PARP2: variants seen among roughly 807,000 people sequenced by gnomAD.
The protein encoded by PARP2 is poly [ADP-ribose] polymerase 2.
Under a neutral mutation model 77.8 loss-of-function variants are expected in PARP2, and 57 were observed. The observed-to-expected ratio is 0.73, with a 90% CI of 0.59 to 0.91. The LOEUF (loss-of-function observed/expected upper bound fraction) is 0.91, where lower values mean the gene tolerates loss of function less well. Ranked by LOEUF, PARP2 falls within the 40% of genes least tolerant of loss-of-function variation. The pLI, the probability that PARP2 is intolerant of heterozygous loss-of-function variation, is 0.00. For synonymous variants in PARP2, 226 were observed against 242.6 expected (o/e 0.93, Z 0.64); for missense variants, 651 against 689.0 (o/e 0.94, Z 0.62).
In PARP2 at chr14:20,350,486, C is replaced by T. The variant is rs180838024; in HGVS notation, c.325-40C>T. The stretch of plus-strand genomic sequence containing the variant: ...CATTGGTTTATGTGATTTCCATTTG[C>T]AAAACTCCTTTTTTTTGTTTTTGTT... On this transcript the variant is annotated intron_variant, in intron 4 of 15. Transcript: ENST00000429687. The T allele has an allele frequency of 4.1e-5, 46 of 1,126,168 alleles. No individual in the cohort carries two copies. The East Asian group carries it at 7.6e-4, about 19-fold the overall frequency. 69.8% of individuals were successfully genotyped at this position (1,126,168 alleles called of 1,614,324 possible).
intron 9 of PARP2, chr14:20,355,375 A>T (rs1760912): frequency 0.45 from 81,018 of 180,134 alleles, 20,273 homozygotes; most frequent in African/African-American, 0.7. Flanking sequence ...TTTCTTTTAT[A>T]GCTTTATAGA....
chr14:20,346,321 C>CTTTT (rs71108595), intron 3 of PARP2, among the ~76,000 whole-genome samples: 1,017 of 90,862 alleles, frequency 0.011, 84 homozygotes, highest in African/African-American at 0.04. Context: ...CAGTTAGAAT[C>CTTTT]TTTTTTTTTT....
chr14:20,356,233 G>A, intron 11 of PARP2, 74 bp from the exon 12 acceptor site: 1 of 1,555,296 alleles, frequency 6.4e-7, no homozygotes, highest in Non-Finnish European at 8.8e-7. Flanking sequence ...AGTTATATCA[G>A]AATCCCCAAA....
chr14:20,357,536 C>G lies in PARP2; in HGVS notation c.1553+16C>G. On this transcript the variant is annotated intron_variant, in intron 15 of 15. Transcript: ENST00000429687. ...TCGTCACCCTGTAAGTACTCAGAAC[C>G]AGGAGGACTAGAAGACTCCTTTTGG... 6.2e-7 allele frequency: 1 copy of G among 1,605,514 alleles called. No individual in the cohort carries two copies. The highest frequency in any genetic ancestry group is 8.5e-7 in the Non-Finnish European group (1 of 1,176,786).
At chr14:20,349,098 G>A (rs546419863) in intron 4 of PARP2, among the ~76,000 whole-genome samples, 12 of 152,162 alleles carry the variant, frequency 7.9e-5, no homozygotes, top group Admixed American at 4.6e-4. Context: ...TAGCACTTTC[G>A]GAGGCCAAGG....
At position 20,354,921 on chromosome 14, in the gene PARP2, C is replaced by T. The variant is rs1884089615; in HGVS notation, c.876C>T (p.Phe292=). ...CTCTCATGGAAGCATGCAATGAATTCTACACCAGGATTCCGCATGACTTTG... is the reference window on the plus strand; with the variant it reads ...CTCTCATGGAAGCATGCAATGAATTTTACACCAGGATTCCGCATGACTTTG... ...GRALMEACNE[F]YTRIPHDFGL... is the part of the protein sequence containing the mutation. Residue 292 remains phenylalanine (F), a synonymous_variant, in exon 9 of 16, where the codon TTC becomes TTT. Transcript: ENST00000429687. The T allele has an allele frequency of 6.2e-7, 1 of 1,613,948 alleles. No individual in the cohort carries two copies. Among genetic ancestry groups the T allele is most frequent in the Non-Finnish European group, 8.5e-7 (1 of 1,179,926 alleles).
At chr14:20,355,644 TTC>T in intron 9 of PARP2, 106 bp from the exon 10 acceptor site, 1 of 749,318 alleles carries the variant, frequency 1.3e-6, no homozygotes, top group Non-Finnish European at 2.3e-6. Context: ...GAAAACCTGT[TTC>T]TCATACCTGT....
chr14:20,354,058 T>A (rs1432848218), intron 7 of PARP2, 27 bp from the exon 8 acceptor site: 1 of 1,576,092 alleles, frequency 6.3e-7, no homozygotes, highest in Non-Finnish European at 8.7e-7. Flanking sequence ...TTAGATTGTC[T>A]TGTGTTTTGT....
rs1189071777 is a variant in PARP2 at position 20,350,588 on chromosome 14, G to A, written c.387G>A (p.Gln129=). 8 of 1,610,774 alleles carry A rather than the reference G, an allele frequency of 5.0e-6. No homozygotes were observed. Among genetic ancestry groups the A allele is most frequent in the Non-Finnish European group, 6.8e-6 (8 of 1,177,000 alleles). Residue 129 remains glutamine (Q), a synonymous_variant, in exon 5 of 16, where the codon CAG becomes CAA. Transcript: ENST00000429687. ...YLIQLLEDDA[Q]RNFSVWMRWG... ...TTCAGCTATTAGAAGATGATGCCCA[G>A]AGGAACTTCAGTGTTTGGATGAGAT... is the stretch of plus-strand genomic sequence containing the variant.
intron 4 of PARP2, among the ~76,000 whole-genome samples, chr14:20,350,078 T>C (rs1883902020): frequency 6.6e-6 from 1 of 152,216 alleles, no homozygotes; most frequent in African/African-American, 2.4e-5. Flanking sequence ...AAACAAAAGC[T>C]GTGAGTAGAA....
chr14:20,351,038 C>T lies in PARP2; in HGVS notation c.422-9C>T, dbSNP rs775280945. The T allele has an allele frequency of 1.9e-6, 3 of 1,611,380 alleles. No individual in the cohort carries two copies. The highest frequency in any genetic ancestry group is 2.5e-6 in the Non-Finnish European group (3 of 1,177,734). ...GGGAACTATCTTATGTGTGGCATTT[C>T]CTTTGCAGTTGGGAAAATGGGACAG... On this transcript the variant is annotated splice_polypyrimidine_tract_variant and intron_variant, in intron 5 of 15. Coordinates refer to ENST00000429687, the MANE Select transcript of PARP2 (RefSeq NM_001042618.2).
At position 20,351,061 on chromosome 14, in the gene PARP2, C is replaced by A. The variant is rs761414344; in HGVS notation, c.436C>A (p.Gln146Lys). ...MRWGRVGKMG[Q>K]HSLVACSGNL... Reference sequence around the variant, plus strand: ...TTCCTTTGCAGTTGGGAAAATGGGACAGCACAGCCTGGTGGCTTGTTCAGG... The same window carrying A: ...TTCCTTTGCAGTTGGGAAAATGGGAAAGCACAGCCTGGTGGCTTGTTCAGG... The change falls in exon 6 of 16, where the codon CAG becomes AAG. Residue 146 changes from glutamine (Q) to lysine (K), a missense_variant. Transcript: ENST00000429687. The A allele has an allele frequency of 6.8e-6, 11 of 1,613,828 alleles. 1 individual carries two copies. The Middle Eastern group carries it at 1.2e-3, about 169-fold the overall frequency.
At chr14:20,349,555 C>G (rs994073012) in intron 4 of PARP2, among the ~76,000 whole-genome samples, 3 of 151,792 alleles carry the variant, frequency 2.0e-5, no homozygotes, top group Non-Finnish European at 2.9e-5. Context: ...TGCCTGTAAT[C>G]CCAGCTACTA....
At position 20,357,084 on chromosome 14, in the gene PARP2, T is replaced by A; in HGVS notation, c.1363T>A (p.Ser455Thr). 1 of 1,613,128 alleles carries A rather than the reference T, an allele frequency of 6.2e-7. No homozygotes were observed. The highest frequency in any genetic ancestry group is 8.5e-7 in the Non-Finnish European group (1 of 1,179,036). Residue 455 changes from serine (S) to threonine (T), a missense_variant, in exon 14 of 16, where the codon TCC becomes ACC. Transcript: ENST00000429687. ...GKGIYFADMS[S>T]KSANYCFASR... ...AGGAATCTACTTTGCTGACATGTCT[T>A]CCAAGAGTGCCAATTACTGCTTTGC... is the stretch of plus-strand genomic sequence containing the variant.
chr14:20,345,000 A>G lies in PARP2; in HGVS notation c.115A>G (p.Thr39Ala). ...APEDSSPAKK[T>A]RRCQRQESKK... ...AGAAGACTCTTCCCCTGCCAAGAAA[A>G]CTCGTAGATGCCAGAGACAGGAGTC... The change falls in exon 2 of 16, where the codon ACT (threonine) becomes GCT (alanine). Residue 39 changes from threonine (T) to alanine (A), a missense_variant. Transcript: ENST00000429687. The G allele has an allele frequency of 6.2e-7, 1 of 1,613,940 alleles. No individual in the cohort carries two copies. The highest frequency in any genetic ancestry group is 1.3e-5 in the African/African-American group (1 of 74,978).
At chr14:20,354,357 A>C (rs942350119) in intron 8 of PARP2, 110 bp downstream of exon 8, 13 of 939,550 alleles carry the variant, frequency 1.4e-5, no homozygotes, top group Non-Finnish European at 2.1e-5. Context: ...TGAATGAAGA[A>C]AATGGGATTT....
chr14:20,351,297 G>T (rs899127410), intron 6 of PARP2, among the ~76,000 whole-genome samples, 175 bp downstream of exon 6: 1 of 152,052 alleles, frequency 6.6e-6, no homozygotes. Flanking sequence ...TCCTGCCTCA[G>T]CCTCCCTAGT....
Position 20,356,590 on chromosome 14 carries a change from G to T in PARP2, c.1230G>T (p.Arg410Ser), listed in dbSNP as rs934754240. 1 of 1,613,624 alleles carries T rather than the reference G, an allele frequency of 6.2e-7. No individual in the cohort carries two copies. The highest frequency in any genetic ancestry group is 8.5e-7 in the Non-Finnish European group (1 of 1,179,536). ...TACAATAATATTGGCTTTTCCTTAG[G>T]ATGCTTCTATGGCATGGTTCCAGGA... ...KEAFREDLHN[R>S]MLLWHGSRMS... is the part of the protein sequence containing the mutation. The change falls in exon 13 of 16, where the codon AGG (arginine) becomes AGT (serine). Residue 410 changes from arginine (R) to serine (S), a missense_variant and splice_region_variant. Arg to Ser is a moderately radical substitution (Grantham distance 110, BLOSUM62 -1). Transcript: ENST00000429687.
intron 4 of PARP2, 97 bp downstream of exon 4, chr14:20,347,010 C>CA: frequency 2.0e-6 from 1 of 510,386 alleles, no homozygotes; most frequent in Non-Finnish European, 3.3e-6. Context: ...TTTAAAGTCC[C>CA]TTTTTTTTTT....
Sources: allele counts gnomAD v4.1 joint callset (sites outside exome capture counted in the v4.1 genomes callset), GRCh38; gene constraint gnomAD v4.1.1; transcripts MANE v1.5; gene names NCBI Gene and HGNC (gene_info 2026-07-23, HGNC 2026-07-21).